ITPR1: variants seen among roughly 807,000 people sequenced by gnomAD.
ITPR1 encodes the protein inositol 1,4,5-trisphosphate receptor type 1, also known as inositol 1,4,5-trisphosphate-gated calcium channel ITPR1.
ITPR1 carries 96 observed loss-of-function variants against 318.4 expected under a neutral mutation model. That is an observed-to-expected ratio of 0.30 (90% confidence interval 0.26 to 0.36). The LOEUF (loss-of-function observed/expected upper bound fraction) is 0.36. Ranked by LOEUF, ITPR1 falls within the 10% of genes least tolerant of loss-of-function variation. The pLI is 1.00. For synonymous variants in ITPR1, 1,312 were observed against 1,289.9 expected (o/e 1.02, Z -0.37); for missense variants, 2,440 against 3,460.2 (o/e 0.71, Z 7.40).
chr3:4,736,965 A>G (rs1191095144), intron 44 of ITPR1, among the ~76,000 whole-genome samples: 2 of 152,208 alleles, frequency 1.3e-5, no homozygotes, highest in Admixed American at 1.3e-4. Flanking sequence ...GAAAATGAGG[A>G]CAATGTGGTG....
At chr3:4,728,520 A>G (rs1013628149) in intron 42 of ITPR1, among the ~76,000 whole-genome samples, 3 of 152,216 alleles carry the variant, frequency 2.0e-5, no homozygotes, top group African/African-American at 7.2e-5. Context: ...ACACAGGCAC[A>G]CAATGTGAAA....
At chr3:4,647,633 G>A (rs1037962774) in intron 10 of ITPR1, among the ~76,000 whole-genome samples, 9 of 152,138 alleles carry the variant, frequency 5.9e-5, no homozygotes, top group African/African-American at 9.7e-5. Flanking sequence ...AATGTTACTC[G>A]TTCTAGTAGG....
chr3:4,735,464 A>C, intron 44 of ITPR1, 110 bp downstream of exon 44: 2 of 837,424 alleles, frequency 2.4e-6, no homozygotes, highest in African/African-American at 1.7e-5. Flanking sequence ...GAGACAGCTC[A>C]TTCTGAGGGC....
chr3:4,663,033 C>CG, intron 15 of ITPR1, 32 bp from the exon 16 acceptor site: 1 of 1,608,910 alleles, frequency 6.2e-7, no homozygotes, highest in Non-Finnish European at 8.5e-7. Flanking sequence ...ACACTGAACA[C>CG]ATCTGTCTCT....
chr3:4,760,676 G>C (rs1180941767), intron 44 of ITPR1, among the ~76,000 whole-genome samples: 1 of 152,160 alleles, frequency 6.6e-6, no homozygotes, highest in Non-Finnish European at 1.5e-5. Flanking sequence ...AGGGGAGAAG[G>C]CTTCCTTGCC....
At chr3:4,555,362 G>C (rs2086017172) in intron 4 of ITPR1, among the ~76,000 whole-genome samples, 1 of 152,166 alleles carries the variant, frequency 6.6e-6, no homozygotes, top group East Asian at 1.9e-4. Flanking sequence ...GCAGTTTGGT[G>C]TGTATCTTTC....
At chr3:4,671,035 G>A in intron 20 of ITPR1, 109 bp downstream of exon 20, 1 of 779,030 alleles carries the variant, frequency 1.3e-6, no homozygotes, top group South Asian at 2.7e-5. Flanking sequence ...GAGTCATCTT[G>A]TAAGATTGTC....
In ITPR1 at chr3:4,635,725, C is replaced by G. The variant is rs139193884; in HGVS notation, c.280-3659C>G. Among the ~76,000 whole-genome samples the G allele has an allele frequency of 3.9e-3, 587 of 152,272 alleles. 2 individuals carry two copies. The highest frequency in any genetic ancestry group is 0.013 in the African/African-American group (560 of 41,570). On this transcript the variant is annotated intron_variant, in intron 5 of 61. Coordinates refer to ENST00000649015, the MANE Select transcript of ITPR1 (RefSeq NM_001378452.1). ...GGGATTTAACCAACCAGATCTCATTCTTTCTGAGGGTAGAAACAGCCTTGA... is the reference window on the plus strand; with the variant it reads ...GGGATTTAACCAACCAGATCTCATTGTTTCTGAGGGTAGAAACAGCCTTGA...
At chr3:4,609,573 G>A (rs139897856) in intron 4 of ITPR1, among the ~76,000 whole-genome samples, 31 of 152,208 alleles carry the variant, frequency 2.0e-4, no homozygotes, top group African/African-American at 7.2e-4. Context: ...CACCTCACAC[G>A]TGGTCGGGGC....
chr3:4,799,803 C>T (rs1322789712), intron 53 of ITPR1: 1 of 152,236 alleles, frequency 6.6e-6, no homozygotes, highest in Non-Finnish European at 1.5e-5. Flanking sequence ...CTAATTGTAG[C>T]ATGATGCTCA....
chr3:4,620,585 A>G (rs903807508), intron 4 of ITPR1, among the ~76,000 whole-genome samples: 11 of 151,052 alleles, frequency 7.3e-5, no homozygotes, highest in African/African-American at 2.7e-4. Flanking sequence ...CCATCCCTCC[A>G]TCCTCTTTCC....
intron 4 of ITPR1, among the ~76,000 whole-genome samples, chr3:4,594,819 C>T (rs530415632): frequency 2.7e-4 from 41 of 151,780 alleles, no homozygotes; most frequent in African/African-American, 9.4e-4. Context: ...ATAAAGTGGT[C>T]GATTGGTAAG....
intron 58 of ITPR1, 148 bp from the exon 59 acceptor site, chr3:4,814,904 GA>G: frequency 1.4e-6 from 1 of 712,148 alleles, no homozygotes; most frequent in African/African-American, 1.8e-5. Context: ...CAGGGGACAT[GA>G]AAAGAGATGC....
At chr3:4,673,421 TA>T in intron 21 of ITPR1, 34 bp downstream of exon 21, 1 of 1,566,370 alleles carries the variant, frequency 6.4e-7, no homozygotes, top group Non-Finnish European at 8.7e-7. Flanking sequence ...CACTTTACAT[TA>T]TTCTGTGCGG....
chr3:4,531,492 A>G (rs1198633168), intron 4 of ITPR1, among the ~76,000 whole-genome samples: 1 of 152,150 alleles, frequency 6.6e-6, no homozygotes, highest in Non-Finnish European at 1.5e-5. Context: ...TGAAGATGTC[A>G]TTCAGCTGCT....
At chr3:4,835,406 A>G (rs1391612465) in intron 60 of ITPR1, among the ~76,000 whole-genome samples, 1 of 152,206 alleles carries the variant, frequency 6.6e-6, no homozygotes, top group East Asian at 1.9e-4. Context: ...ACATGGACAT[A>G]CCCATTTATT....
At chr3:4,725,399 G>A (rs983514488) in intron 40 of ITPR1, 147 bp from the exon 41 acceptor site, 4 of 692,602 alleles carry the variant, frequency 5.8e-6, no homozygotes, top group African/African-American at 3.5e-5. Flanking sequence ...GATTGCTGAA[G>A]CCCACTTCGG....
intron 44 of ITPR1, among the ~76,000 whole-genome samples, chr3:4,755,169 A>ATTT (rs35849657): frequency 2.3e-5 from 3 of 131,350 alleles, no homozygotes; most frequent in African/African-American, 8.9e-5. Flanking sequence ...AATACCTTTA[A>ATTT]TTTTTTTTTT....
chr3:4,754,105 C>T (rs2044769451), intron 44 of ITPR1, among the ~76,000 whole-genome samples: 1 of 151,150 alleles, frequency 6.6e-6, no homozygotes, highest in South Asian at 2.1e-4. Context: ...AGTTGAATTC[C>T]CTGGGAACCT....
Sources: gnomAD v4.1 joint callset for allele counts (sites outside exome capture counted in the v4.1 genomes callset) on GRCh38, gnomAD v4.1.1 for gene constraint, MANE v1.5 for transcripts, NCBI Gene and HGNC (gene_info 2026-07-23, HGNC 2026-07-21) for gene names.